The following FSIP1 variants were observed in gnomAD, a reference collection of about 807,000 sequenced individuals.
FSIP1 encodes fibrous sheath-interacting protein 1.
A neutral mutation model predicts 60.9 loss-of-function variants in FSIP1; 65 were observed. The ratio of observed to expected loss-of-function variants is 1.07; its 90% CI spans 0.87 to 1.31. The LOEUF (loss-of-function observed/expected upper bound fraction) is 1.31. FSIP1 is among the 40% of genes most tolerant of loss of function. The pLI, the probability that FSIP1 is intolerant of heterozygous loss-of-function variation, is 0.00. For synonymous variants in FSIP1, 209 were observed against 221.2 expected (o/e 0.94, Z 0.49); for missense variants, 675 against 665.5 (o/e 1.01, Z -0.16).
intron 10 of FSIP1, among the ~76,000 whole-genome samples, chr15:39,630,522 G>A (rs1252533492): frequency 6.6e-6 from 1 of 152,198 alleles, no homozygotes; most frequent in Non-Finnish European, 1.5e-5. Context: ...CAGTTGCACT[G>A]GGGGTGGGGC....
Position 39,618,041 on chromosome 15 carries a change from C to T in FSIP1, c.1393G>A (p.Val465Ile), listed in dbSNP as rs759002765. 15 of 1,614,012 alleles carry T rather than the reference C, an allele frequency of 9.3e-6. No homozygotes were observed. Among genetic ancestry groups the T allele is most frequent in the Middle Eastern group, 1.6e-4 (1 of 6,082 alleles). Residue 465 changes from valine (V) to isoleucine (I), a missense_variant, in exon 11 of 12, where the codon GTA (valine) becomes ATA (isoleucine). Val to Ile is a conservative substitution (Grantham distance 29). Coordinates refer to ENST00000350221, the MANE Select transcript of FSIP1 (RefSeq NM_152597.5). ...CTCTCAAGCATATCTGCATCTTCTA[C>T]CTCAGTTTTCTGGACCTTTGTTTCT... is the stretch of plus-strand genomic sequence containing the variant. ...ESETKVQKTEVEDADMLESEE... is the reference protein window; with the variant it reads ...ESETKVQKTEIEDADMLESEE...
intron 11 of FSIP1, among the ~76,000 whole-genome samples, chr15:39,605,802 G>A (rs149125566): frequency 2.3e-4 from 35 of 149,336 alleles, no homozygotes; most frequent in African/African-American, 8.5e-4. Context: ...TCCAGTCCCA[G>A]AGCTAATCAT....
Position 39,754,644 on chromosome 15 carries a change from G to A in FSIP1, c.559+9177C>T, listed in dbSNP as rs1471140740. 5.9e-5 allele frequency among the ~76,000 whole-genome samples: 9 copies of A among 152,162 alleles called. No homozygotes were observed. In the East Asian group the frequency reaches 1.7e-3, roughly 29 times the overall value. ...AACAATAACAGAGGAACTGAGGCTGGCTCTTCAATTTCTAGTTTAGGAGAC... is the reference window on the plus strand; with the variant it reads ...AACAATAACAGAGGAACTGAGGCTGACTCTTCAATTTCTAGTTTAGGAGAC... On this transcript the variant is annotated intron_variant, in intron 5 of 11. Transcript: ENST00000350221.
chr15:39,613,652 G>GA (rs57218875), intron 11 of FSIP1, among the ~76,000 whole-genome samples: 60,073 of 151,250 alleles, frequency 0.4, 13,982 homozygotes, highest in African/African-American at 0.66. Flanking sequence ...AATACCACAA[G>GA]AAAAAAAAAT....
intron 5 of FSIP1, among the ~76,000 whole-genome samples, chr15:39,745,093 C>T (rs998491706): frequency 1.6e-5 from 2 of 127,344 alleles, no homozygotes; most frequent in African/African-American, 5.8e-5. Context: ...CACGCGCCAC[C>T]CCGCCCCCCA....
chr15:39,613,986 ACAT>A (rs1326949374), intron 11 of FSIP1, among the ~76,000 whole-genome samples: 1 of 152,342 alleles, frequency 6.6e-6, no homozygotes, highest in Non-Finnish European at 1.5e-5. Context: ...TCTGTAACTA[ACAT>A]CATACTCAAC....
At chr15:39,742,537 T>C (rs1183093390) in intron 5 of FSIP1, among the ~76,000 whole-genome samples, 2 of 152,198 alleles carry the variant, frequency 1.3e-5, no homozygotes, top group Non-Finnish European at 2.9e-5. Context: ...ATAAACGTTT[T>C]ATTAAAAGTG....
At chr15:39,609,544 T>C (rs1436560998) in intron 11 of FSIP1, among the ~76,000 whole-genome samples, 11 of 152,134 alleles carry the variant, frequency 7.2e-5, no homozygotes, top group Non-Finnish European at 1.0e-4. Context: ...AGCAGCTGCA[T>C]GGTGACCCCA....
chr15:39,731,858 T>C (rs970012445), intron 8 of FSIP1, among the ~76,000 whole-genome samples: 3 of 152,106 alleles, frequency 2.0e-5, no homozygotes, highest in Admixed American at 1.3e-4. Context: ...GTGAGGGTGG[T>C]AGTAGAGACA....
chr15:39,681,909 T>A (rs572069014), intron 10 of FSIP1, among the ~76,000 whole-genome samples: 2 of 152,344 alleles, frequency 1.3e-5, no homozygotes, highest in African/African-American at 4.8e-5. Context: ...CAGGACCTAC[T>A]GAGATGCTTT....
chr15:39,633,279 G>A (rs377129327), intron 10 of FSIP1, among the ~76,000 whole-genome samples: 21 of 151,790 alleles, frequency 1.4e-4, no homozygotes, highest in African/African-American at 3.4e-4. Context: ...TAGTAGAGAC[G>A]GGGTTTCACC....
chr15:39,765,870 T>C, intron 3 of FSIP1, 124 bp from the exon 4 acceptor site: 1 of 526,832 alleles, frequency 1.9e-6, no homozygotes, highest in Non-Finnish European at 3.3e-6. Context: ...ACTACTACAT[T>C]GGTACCATGT....
chr15:39,670,087 A>G (rs2140467083), intron 10 of FSIP1, among the ~76,000 whole-genome samples: 1 of 152,374 alleles, frequency 6.6e-6, no homozygotes, highest in East Asian at 1.9e-4. Flanking sequence ...TGTAATTTTA[A>G]GCTATCCAAG....
intron 10 of FSIP1, among the ~76,000 whole-genome samples, chr15:39,623,008 T>C (rs1891500659): frequency 6.6e-6 from 1 of 151,946 alleles, no homozygotes; most frequent in African/African-American, 2.4e-5. Flanking sequence ...GCCCTCTCTT[T>C]TAGCTCATTA....
At chr15:39,766,099 T>C (rs553201348) in intron 3 of FSIP1, among the ~76,000 whole-genome samples, 19 of 152,238 alleles carry the variant, frequency 1.2e-4, no homozygotes, top group African/African-American at 4.3e-4. Context: ...GACTAAAAAA[T>C]AGGAAATAAG....
chr15:39,739,874 A>G (rs1420214635), intron 6 of FSIP1, 85 bp from the exon 7 acceptor site: 2 of 789,152 alleles, frequency 2.5e-6, no homozygotes, highest in East Asian at 3.0e-5. Context: ...ATTAAAATAT[A>G]TAAGAACTAA....
chr15:39,751,810 C>G (rs968173875), intron 5 of FSIP1, among the ~76,000 whole-genome samples: 1 of 151,928 alleles, frequency 6.6e-6, no homozygotes, highest in Admixed American at 6.6e-5. Context: ...ATTATAGCTG[C>G]TCTTCCCATG....
intron 10 of FSIP1, among the ~76,000 whole-genome samples, chr15:39,628,652 A>C (rs1195183034): frequency 6.6e-6 from 1 of 152,170 alleles, no homozygotes; most frequent in South Asian, 2.1e-4. Flanking sequence ...TCAGCTTGCA[A>C]ACTCTCTCTC....
intron 9 of FSIP1, among the ~76,000 whole-genome samples, chr15:39,722,500 C>T (rs954514528): frequency 4.6e-5 from 7 of 152,248 alleles, no homozygotes; most frequent in Admixed American, 3.3e-4. Flanking sequence ...TTTTCAGCCT[C>T]GTGATACATA....
Sources: gnomAD v4.1 joint callset for allele counts (sites outside exome capture counted in the v4.1 genomes callset) on GRCh38, gnomAD v4.1.1 for gene constraint, MANE v1.5 for transcripts, NCBI Gene and HGNC (gene_info 2026-07-23, HGNC 2026-07-21) for gene names.